Variants in SPMIP7 observed in about 807,000 individuals in gnomAD.
SPMIP7 encodes protein SPMIP7.
At chr7:50,154,141 A>T in the SPMIP7 span, among the ~76,000 whole-genome samples, 1 of 152,208 alleles carries the variant, frequency 6.6e-6, no homozygotes, top group Non-Finnish European at 1.5e-5. Context: ...TCCTAACAAC[A>T]TGATATTATG....
chr7:50,139,646 C>A, the SPMIP7 span, among the ~76,000 whole-genome samples: 9 of 152,274 alleles, frequency 5.9e-5, no homozygotes, highest in East Asian at 1.7e-3. Flanking sequence ...GTCAGCACTG[C>A]CACATCTCAG....
the SPMIP7 span, among the ~76,000 whole-genome samples, chr7:50,149,566 G>A: frequency 1.3e-5 from 2 of 152,198 alleles, no homozygotes; most frequent in Non-Finnish European, 2.9e-5. Flanking sequence ...TCTCGATGCA[G>A]TGGGCTGCCC....
the SPMIP7 span, chr7:50,136,212 T>C: frequency 3.0e-6 from 4 of 1,340,660 alleles, no homozygotes; most frequent in Non-Finnish European, 4.2e-6. Flanking sequence ...CTCACTATCA[T>C]GTTTTGTAAT....
chr7:50,104,183 G>A, the SPMIP7 span: 4 of 430,116 alleles, frequency 9.3e-6, no homozygotes, highest in African/African-American at 2.0e-5. Flanking sequence ...ATCCAGAAAA[G>A]TTATTAAATA....
chr7:50,104,466 T>TAC, the SPMIP7 span: 1 of 566,684 alleles, frequency 1.8e-6, no homozygotes, highest in South Asian at 4.4e-5. Flanking sequence ...CATTGTATTA[T>TAC]ATATATATAA....
the SPMIP7 span, among the ~76,000 whole-genome samples, chr7:50,132,615 C>T: frequency 6.6e-6 from 1 of 152,082 alleles, no homozygotes; most frequent in African/African-American, 2.4e-5. Flanking sequence ...TTTCATTGAA[C>T]TCACAGATTA....
the SPMIP7 span, among the ~76,000 whole-genome samples, chr7:50,145,240 G>A: frequency 4.6e-5 from 7 of 151,426 alleles, no homozygotes; most frequent in Non-Finnish European, 8.8e-5. Flanking sequence ...TCCAGCCTGG[G>A]TGACAGAGGC....
the SPMIP7 span, among the ~76,000 whole-genome samples, chr7:50,118,518 G>A: frequency 1.7e-4 from 26 of 152,150 alleles, no homozygotes; most frequent in Non-Finnish European, 3.4e-4. Context: ...ATATTTACAT[G>A]TTATCTGGCT....
chr7:50,139,220 G>A, the SPMIP7 span, among the ~76,000 whole-genome samples: 33 of 151,658 alleles, frequency 2.2e-4, no homozygotes, highest in Non-Finnish European at 3.4e-4. Context: ...GTGGTGGCAC[G>A]TGCCTGTAAT....
the SPMIP7 span, among the ~76,000 whole-genome samples, chr7:50,125,257 TATAC>T: frequency 5.7e-4 from 49 of 86,206 alleles, 2 homozygotes; most frequent in African/African-American, 2.5e-3. Context: ...TACACATATA[TATAC>T]ACACATATAT....
the SPMIP7 span, among the ~76,000 whole-genome samples, chr7:50,129,453 A>G: frequency 6.6e-6 from 1 of 152,180 alleles, no homozygotes; most frequent in East Asian, 1.9e-4. Flanking sequence ...TGATGTTTCC[A>G]ATTCAAGAGC....
chr7:50,125,732 A>G, the SPMIP7 span, among the ~76,000 whole-genome samples: 2 of 152,018 alleles, frequency 1.3e-5, no homozygotes, highest in Non-Finnish European at 2.9e-5. Context: ...GCACAGAAAC[A>G]GAAATATTGC....
At chr7:50,136,698 A>G in the SPMIP7 span, among the ~76,000 whole-genome samples, 2 of 152,160 alleles carry the variant, frequency 1.3e-5, no homozygotes, top group Non-Finnish European at 2.9e-5. Flanking sequence ...TATTAATGTT[A>G]GAAACTATGG....
chr7:50,159,101 C>T, the SPMIP7 span: 1 of 1,551,758 alleles, frequency 6.4e-7, no homozygotes. Context: ...TCCCCTGTCT[C>T]GACTGGTCAC....
the SPMIP7 span, chr7:50,104,463 TTA>T: frequency 1.1e-5 from 5 of 439,518 alleles, no homozygotes; most frequent in Admixed American, 4.6e-5. Context: ...TTTCATTGTA[TTA>T]TATATATATA....
chr7:50,140,959 C>T, the SPMIP7 span, among the ~76,000 whole-genome samples: 2 of 152,204 alleles, frequency 1.3e-5, no homozygotes, highest in Non-Finnish European at 2.9e-5. Flanking sequence ...CCTTGCCCAG[C>T]CTCCAGCCGG....
the SPMIP7 span, among the ~76,000 whole-genome samples, chr7:50,154,956 T>C: frequency 6.6e-6 from 1 of 152,246 alleles, no homozygotes; most frequent in Non-Finnish European, 1.5e-5. Context: ...TTAAGCATTC[T>C]TTCATACACC....
chr7:50,105,255 G>T, the SPMIP7 span, among the ~76,000 whole-genome samples: 1 of 152,118 alleles, frequency 6.6e-6, no homozygotes, highest in Non-Finnish European at 1.5e-5. Flanking sequence ...CCCTTAAAGA[G>T]TGCAATTCAA....
chr7:50,114,664 CT>C, the SPMIP7 span, among the ~76,000 whole-genome samples: 1,168 of 152,022 alleles, frequency 7.7e-3, 22 homozygotes, highest in African/African-American at 0.027. Context: ...CAGATTTAAA[CT>C]AAATTATGTC....
Sources: gnomAD v4.1 joint callset for allele counts (sites outside exome capture counted in the v4.1 genomes callset) on GRCh38, gnomAD v4.1.1 for gene constraint, MANE v1.5 for transcripts, NCBI Gene and HGNC (gene_info 2026-07-23, HGNC 2026-07-21) for gene names.